Variants in NEGR1 observed in about 807,000 individuals in gnomAD.
The protein encoded by NEGR1 is neuronal growth regulator 1.
In NEGR1, 10 loss-of-function variants were observed where a neutral mutation model predicts 40.9. The ratio of observed to expected loss-of-function variants is 0.24; its 90% CI spans 0.15 to 0.42. The LOEUF (loss-of-function observed/expected upper bound fraction) is 0.42, where lower values mean the gene tolerates loss of function less well. NEGR1 is among the 10% of genes least tolerant of loss of function. The pLI is 1.00. For synonymous variants in NEGR1, 185 were observed against 166.8 expected (o/e 1.11, Z -0.84); for missense variants, 352 against 438.9 (o/e 0.80, Z 1.77).
At chr1:71,603,580 G>A (rs1185560184) in intron 5 of NEGR1, among the ~76,000 whole-genome samples, 1 of 152,140 alleles carries the variant, frequency 6.6e-6, no homozygotes, top group Non-Finnish European at 1.5e-5. Flanking sequence ...AGCAAAGTCA[G>A]CATATAAGGT....
At chr1:71,453,558 C>T (rs977859329) in intron 6 of NEGR1, among the ~76,000 whole-genome samples, 1 of 151,850 alleles carries the variant, frequency 6.6e-6, no homozygotes, top group Admixed American at 6.6e-5. Flanking sequence ...CCAAGACGGG[C>T]GAGAAATAGA....
At chr1:72,039,039 T>G (rs1646929367) in intron 1 of NEGR1, among the ~76,000 whole-genome samples, 1 of 151,968 alleles carries the variant, frequency 6.6e-6, no homozygotes, top group African/African-American at 2.4e-5. Context: ...TTTTGAAGAA[T>G]TACTAGGATC....
At chr1:72,270,780 A>T (rs1393971330) in intron 1 of NEGR1, among the ~76,000 whole-genome samples, 1 of 151,872 alleles carries the variant, frequency 6.6e-6, no homozygotes, top group African/African-American at 2.4e-5. Context: ...TCAAATCACC[A>T]TCAGTCTGCT....
chr1:72,053,284 T>C (rs1426576088), intron 1 of NEGR1, among the ~76,000 whole-genome samples: 1 of 151,184 alleles, frequency 6.6e-6, no homozygotes, highest in Admixed American at 6.6e-5. Flanking sequence ...ATCTTATTCA[T>C]TGCTTAGTAA....
At chr1:71,843,196 A>C (rs1001058597) in intron 2 of NEGR1, among the ~76,000 whole-genome samples, 2 of 152,106 alleles carry the variant, frequency 1.3e-5, no homozygotes, top group Admixed American at 1.3e-4. Flanking sequence ...ATTAGTCTCC[A>C]GGCTGCAGCA....
chr1:71,473,712 G>A (rs1646798574), intron 6 of NEGR1, among the ~76,000 whole-genome samples: 1 of 151,974 alleles, frequency 6.6e-6, no homozygotes, highest in Non-Finnish European at 1.5e-5. Context: ...GGATGTACGG[G>A]GCATGGCTTT....
Position 71,424,627 on chromosome 1 carries a change from C to T in NEGR1, c.941-17057G>A, listed in dbSNP as rs1646418212. 2.0e-5 allele frequency among the ~76,000 whole-genome samples: 3 copies of T among 152,182 alleles called. No individual in the cohort carries two copies. In the South Asian group the frequency reaches 6.2e-4, roughly 32 times the overall value. ...TCTTGTAAAAGCAGGCAGTTTTCTC[C>T]ACTGGTGGCAAAAACCCAGAGATTA... On this transcript the variant is annotated intron_variant, in intron 6 of 6. Coordinates refer to ENST00000357731, the MANE Select transcript of NEGR1 (RefSeq NM_173808.3).
At chr1:72,276,113 A>T (rs1434356495) in intron 1 of NEGR1, among the ~76,000 whole-genome samples, 1 of 152,032 alleles carries the variant, frequency 6.6e-6, no homozygotes, top group Middle Eastern at 3.2e-3. Flanking sequence ...AGAAAAGAAA[A>T]GAAAAGTGTA....
At chr1:71,808,839 T>G (rs960762218) in intron 2 of NEGR1, among the ~76,000 whole-genome samples, 2 of 152,246 alleles carry the variant, frequency 1.3e-5, no homozygotes, top group Middle Eastern at 3.4e-3. Context: ...TATCTAAAGC[T>G]TCTAAATCAA....
chr1:71,502,168 G>T (rs760885036), intron 6 of NEGR1, among the ~76,000 whole-genome samples: 1 of 152,152 alleles, frequency 6.6e-6, no homozygotes, highest in East Asian at 1.9e-4. Flanking sequence ...CATGCACCCA[G>T]AAGGTCACGA....
At position 71,396,050 on chromosome 1, in the gene NEGR1, C is replaced by A. The variant is rs1646209439; in HGVS notation, c.*11396G>T. The stretch of plus-strand genomic sequence containing the variant: ...AAGACATTGCTTTTTATGATAGATC[C>A]AGGCAACAGGAAACACACATGCACA... On this transcript the variant is annotated 3_prime_UTR_variant, in exon 7 of 7. Transcript: ENST00000357731. The A allele has an allele frequency of 6.6e-6, 1 of 151,976 alleles. No individual in the cohort carries two copies. Among genetic ancestry groups the A allele is most frequent in the Non-Finnish European group, 1.5e-5 (1 of 67,998 alleles). 9.4% of individuals were successfully genotyped at this position (151,976 alleles called of 1,614,324 possible).
intron 4 of NEGR1, among the ~76,000 whole-genome samples, chr1:71,689,729 T>C (rs1570211773): frequency 2.6e-5 from 4 of 151,630 alleles, no homozygotes; most frequent in Admixed American, 2.6e-4. Context: ...TCACTATACA[T>C]CTGAGTAGAA....
intron 6 of NEGR1, among the ~76,000 whole-genome samples, chr1:71,579,415 T>C (rs1020302243): frequency 3.9e-5 from 6 of 152,174 alleles, no homozygotes; most frequent in Non-Finnish European, 7.3e-5. Flanking sequence ...GGCATATAGA[T>C]AATAAACTTA....
chr1:72,212,153 T>C lies in NEGR1; in HGVS notation c.176+70166A>G. Among the ~76,000 whole-genome samples the C allele has an allele frequency of 2.6e-5, 4 of 152,070 alleles. 1 individual carries two copies. The South Asian group carries it at 8.3e-4, about 31-fold the overall frequency. On this transcript the variant is annotated intron_variant, in intron 1 of 6. Transcript: ENST00000357731. ...GATTCACTCAACGTTAGGATTTAAG[T>C]AAACTAAAAGAATCAGGTTTAGAAT... is the stretch of plus-strand genomic sequence containing the variant.
At chr1:71,881,526 T>C (rs542302977) in intron 2 of NEGR1, among the ~76,000 whole-genome samples, 2 of 152,222 alleles carry the variant, frequency 1.3e-5, no homozygotes, top group South Asian at 2.1e-4. Context: ...TTGTGCCTAT[T>C]TTAAAATACA....
chr1:71,988,324 G>A (rs1318964402), intron 1 of NEGR1, among the ~76,000 whole-genome samples: 1 of 152,094 alleles, frequency 6.6e-6, no homozygotes, highest in Non-Finnish European at 1.5e-5. Flanking sequence ...TGGATTATGA[G>A]GTCAGGAGAT....
intron 2 of NEGR1, among the ~76,000 whole-genome samples, chr1:71,812,373 T>C (rs1012447897): frequency 6.6e-6 from 1 of 152,286 alleles, no homozygotes; most frequent in African/African-American, 2.4e-5. Context: ...TGCATGTATC[T>C]TTATAATAGA....
chr1:71,717,181 A>T (rs866273735), intron 3 of NEGR1, among the ~76,000 whole-genome samples: 1 of 152,222 alleles, frequency 6.6e-6, no homozygotes, highest in African/African-American at 2.4e-5. Context: ...TAAGAATTAT[A>T]ACTTATCTGA....
chr1:71,987,187 C>T (rs1646402460), intron 1 of NEGR1, among the ~76,000 whole-genome samples: 1 of 152,158 alleles, frequency 6.6e-6, no homozygotes, highest in South Asian at 2.1e-4. Context: ...GTCCAATTCC[C>T]TCCCAGAATT....
Sources: gnomAD v4.1 joint callset for allele counts (sites outside exome capture counted in the v4.1 genomes callset) on GRCh38, gnomAD v4.1.1 for gene constraint, MANE v1.5 for transcripts, NCBI Gene and HGNC (gene_info 2026-07-23, HGNC 2026-07-21) for gene names.